KLHL6: variants seen among roughly 807,000 people sequenced by gnomAD.
KLHL6 encodes the protein kelch like family member 6, also known as kelch-like protein 6.
KLHL6 carries 41 observed loss-of-function variants against 58.6 expected under a neutral mutation model. The observed-to-expected ratio is 0.70, with a 90% CI of 0.55 to 0.91. The LOEUF is 0.91. Ranked by LOEUF, KLHL6 falls within the 40% of genes least tolerant of loss-of-function variation. KLHL6 has a pLI of 0.00. For missense variants in KLHL6, 714 were observed against 805.6 expected (o/e 0.89, Z 1.38); for synonymous variants, 338 against 322.7 (o/e 1.05, Z -0.51).
intron 3 of KLHL6, among the ~76,000 whole-genome samples, chr3:183,505,387 T>G (rs1375256707): frequency 6.6e-6 from 1 of 152,230 alleles, no homozygotes; most frequent in Non-Finnish European, 1.5e-5. Flanking sequence ...GGATGCTGTT[T>G]AAGTAGTTTT....
rs749755206 is a variant in KLHL6, at chr3:183,527,928, G to A, written c.376C>T (p.Leu126=). 12 of 1,614,080 alleles carry A rather than the reference G, an allele frequency of 7.4e-6. No individual in the cohort carries two copies. Among genetic ancestry groups the A allele is most frequent in the Non-Finnish European group, 1.0e-5 (12 of 1,180,008 alleles). Residue 126 remains leucine (L), a synonymous_variant, in exon 2 of 7, where the codon CTG becomes TTG. Transcript: ENST00000341319. ...KGVDAETMHT[L]LDYTYTSKAL... is the part of the protein sequence containing the mutation. ...TTGCTGGTGTACGTGTAGTCCAACA[G>A]AGTGTGCATGGTCTCAGCATCAACC...
At chr3:183,535,747 A>T (rs930146988) in intron 1 of KLHL6, among the ~76,000 whole-genome samples, 2 of 151,904 alleles carry the variant, frequency 1.3e-5, no homozygotes, top group African/African-American at 4.8e-5. Flanking sequence ...GGTCATCTGG[A>T]CTCTTAATTG....
chr3:183,534,419 T>G (rs1256114411), intron 1 of KLHL6, among the ~76,000 whole-genome samples: 3 of 151,366 alleles, frequency 2.0e-5, no homozygotes, highest in African/African-American at 7.4e-5. Context: ...TTGTTTGTTT[T>G]TTGAGACAGA....
intron 2 of KLHL6, among the ~76,000 whole-genome samples, chr3:183,514,183 C>G (rs961249879): frequency 6.6e-6 from 1 of 152,194 alleles, no homozygotes; most frequent in Non-Finnish European, 1.5e-5. Context: ...AGGCAGCAGA[C>G]GCTAACCAAA....
intron 1 of KLHL6, among the ~76,000 whole-genome samples, chr3:183,539,703 C>T (rs1323805879): frequency 1.4e-5 from 2 of 143,550 alleles, no homozygotes; most frequent in East Asian, 4.3e-4. Flanking sequence ...TGTGAGACTC[C>T]ATCTCAAAAA....
At chr3:183,493,380 T>G (rs915788272) in intron 5 of KLHL6, 2 of 154,446 alleles carry the variant, frequency 1.3e-5, no homozygotes, top group Non-Finnish European at 2.9e-5. Context: ...ATATAGCACT[T>G]TTCAGGCTGA....
chr3:183,500,523 G>A (rs1300334889), intron 3 of KLHL6, among the ~76,000 whole-genome samples: 1 of 152,218 alleles, frequency 6.6e-6, no homozygotes, highest in East Asian at 1.9e-4. Context: ...CCTTGGAGAA[G>A]TAACACGATC....
intron 1 of KLHL6, among the ~76,000 whole-genome samples, chr3:183,540,714 T>A (rs781421158): frequency 3.3e-5 from 5 of 152,104 alleles, no homozygotes; most frequent in Admixed American, 6.6e-5. Context: ...CCATTGATGA[T>A]TACCCTAAGC....
At chr3:183,531,374 A>T (rs561365870) in intron 1 of KLHL6, among the ~76,000 whole-genome samples, 1 of 150,404 alleles carries the variant, frequency 6.6e-6, no homozygotes, top group African/African-American at 2.5e-5. Context: ...AATGGAATTT[A>T]TCTCACTAGA....
At chr3:183,498,040 C>A (rs1717764015) in intron 4 of KLHL6, among the ~76,000 whole-genome samples, 1 of 152,004 alleles carries the variant, frequency 6.6e-6, no homozygotes, top group Non-Finnish European at 1.5e-5. Flanking sequence ...TCAAGACCAG[C>A]CTGACCAACA....
At chr3:183,552,205 GA>G (rs991561244) in intron 1 of KLHL6, 5 of 152,054 alleles carry the variant, frequency 3.3e-5, no homozygotes, top group East Asian at 3.8e-4. Context: ...AAATGCATAT[GA>G]AAAAAACTCA....
chr3:183,513,633 T>A (rs1718249880), intron 2 of KLHL6, among the ~76,000 whole-genome samples: 1 of 152,214 alleles, frequency 6.6e-6, no homozygotes, highest in South Asian at 2.1e-4. Context: ...AGAAGAAGCA[T>A]TGATCTTCAC....
chr3:183,521,706 T>A (rs1273036804), intron 2 of KLHL6: 1 of 150,974 alleles, frequency 6.6e-6, no homozygotes, highest in Non-Finnish European at 1.5e-5. Flanking sequence ...TTTTTTTTTT[T>A]TTTTTGAGAT....
intron 1 of KLHL6, among the ~76,000 whole-genome samples, chr3:183,543,589 A>T (rs888758807): frequency 2.6e-5 from 4 of 152,130 alleles, no homozygotes; most frequent in African/African-American, 9.7e-5. Context: ...TATACACAAT[A>T]ATACAATAAA....
At chr3:183,494,992 G>A (rs1260470782) in intron 4 of KLHL6, among the ~76,000 whole-genome samples, 1 of 152,156 alleles carries the variant, frequency 6.6e-6, no homozygotes, top group Non-Finnish European at 1.5e-5. Flanking sequence ...AAGGAGAACT[G>A]ACTTTTTGGG....
At position 183,499,425 on chromosome 3, in the gene KLHL6, C is replaced by G. The variant is rs1363349982; in HGVS notation, c.1147+165G>C. Among the ~76,000 whole-genome samples the G allele has an allele frequency of 6.6e-6, 1 of 152,156 alleles. No individual in the cohort carries two copies. Among genetic ancestry groups the G allele is most frequent in the East Asian group, 1.9e-4 (1 of 5,200 alleles). On this transcript the variant is annotated intron_variant, in intron 4 of 6. Coordinates refer to ENST00000341319, the MANE Select transcript of KLHL6 (RefSeq NM_130446.4). This position sits in a 1 kb window ranked among gnomAD's most constrained non-coding sequence, Gnocchi z 4.6. ...TTTGTTTATTAAGTAGCAATGTACTCTCCAAGATAAGACCACCTGAGCTCC... is the reference window on the plus strand; with the variant it reads ...TTTGTTTATTAAGTAGCAATGTACTGTCCAAGATAAGACCACCTGAGCTCC...
intron 1 of KLHL6, among the ~76,000 whole-genome samples, chr3:183,547,007 G>A (rs1712743715): frequency 6.6e-6 from 1 of 152,066 alleles, no homozygotes; most frequent in African/African-American, 2.4e-5. Context: ...CGCCGTCCGG[G>A]TTCAATCGAT....
intron 1 of KLHL6, among the ~76,000 whole-genome samples, chr3:183,530,642 A>G (rs1712124876): frequency 6.6e-6 from 1 of 152,232 alleles, no homozygotes; most frequent in South Asian, 2.1e-4. Flanking sequence ...ATGAGGGAGC[A>G]TGTTCTGAAG....
intron 3 of KLHL6, among the ~76,000 whole-genome samples, chr3:183,504,759 G>A (rs907563441): frequency 6.6e-6 from 1 of 152,192 alleles, no homozygotes; most frequent in Non-Finnish European, 1.5e-5. Flanking sequence ...ATTGTGTGTT[G>A]TGGGGGTTTG....
Sources: allele counts gnomAD v4.1 joint callset (sites outside exome capture counted in the v4.1 genomes callset), GRCh38; gene constraint gnomAD v4.1.1; non-coding constraint Gnocchi (gnomAD v3.1); transcripts MANE v1.5; gene names NCBI Gene and HGNC (gene_info 2026-07-23, HGNC 2026-07-21).